TEAD4: variants seen among roughly 807,000 people sequenced by gnomAD.
The protein encoded by TEAD4 is TEA domain transcription factor 4, also known as transcriptional enhancer factor TEF-3.
TEAD4 carries 36 observed loss-of-function variants against 52.4 expected under a neutral mutation model. The ratio of observed to expected loss-of-function variants is 0.69; its 90% CI spans 0.53 to 0.91. The LOEUF (loss-of-function observed/expected upper bound fraction) is 0.91. TEAD4 is among the 40% of genes least tolerant of loss of function. TEAD4 has a pLI of 0.00. For missense variants in TEAD4, 508 were observed against 583.9 expected, an observed-to-expected ratio of 0.87 and a Z score of 1.34; for synonymous variants, 220 against 231.0, an observed-to-expected ratio of 0.95 and a Z score of 0.43.
At chr12:3,024,568 GATT>G (rs2098270860) in intron 10 of TEAD4, among the ~76,000 whole-genome samples, 1 of 152,090 alleles carries the variant, frequency 6.6e-6, no homozygotes, top group South Asian at 2.1e-4. Flanking sequence ...GAAGTAGGAG[GATT>G]GCTTGAGCCT....
intron 2 of TEAD4, chr12:2,960,368 T>A: frequency 1.5e-5 from 15 of 985,630 alleles, no homozygotes; most frequent in Non-Finnish European, 1.8e-5. Flanking sequence ...GCGGACTGCC[T>A]GTTTTAAGTG....
chr12:3,034,177 C>T (rs11835471), intron 10 of TEAD4, among the ~76,000 whole-genome samples: 24,768 of 151,564 alleles, frequency 0.16, 3,627 homozygotes, highest in African/African-American at 0.36. Context: ...CTGGGCTGGA[C>T]AAATGGGCAC....
chr12:2,989,431 A>G (rs987352635), intron 2 of TEAD4, among the ~76,000 whole-genome samples: 3 of 151,974 alleles, frequency 2.0e-5, no homozygotes, highest in African/African-American at 4.8e-5. Flanking sequence ...GAAGTTTGCT[A>G]TCAGTTTGTT....
intron 2 of TEAD4, among the ~76,000 whole-genome samples, chr12:2,971,110 G>C (rs965886927): frequency 6.6e-6 from 1 of 152,214 alleles, no homozygotes; most frequent in Non-Finnish European, 1.5e-5. Context: ...CGGGAGTATG[G>C]AACGGAAGCC....
At chr12:3,005,785 C>G (rs1479884670) in intron 3 of TEAD4, among the ~76,000 whole-genome samples, 1 of 152,136 alleles carries the variant, frequency 6.6e-6, no homozygotes, top group Non-Finnish European at 1.5e-5. Context: ...AGGCGTGAGC[C>G]ACCGCACCCA....
chr12:2,994,651 G>A lies in TEAD4; in HGVS notation c.-29-87G>A. ...CTTTGCTTCCTGAGCAACTGATTCG[G>A]GCTCTGGCACTCCCCGGAGTGCCTT... On this transcript the variant is annotated intron_variant, in intron 2 of 12. Transcript: ENST00000359864. The surrounding 1 kb of genome is among the most constrained non-coding windows in gnomAD (Gnocchi z 4.7). The A allele has an allele frequency of 6.9e-7, 1 of 1,444,264 alleles. No homozygotes were observed. Among genetic ancestry groups the A allele is most frequent in the East Asian group, 2.5e-5 (1 of 40,484 alleles). 89.5% of individuals were successfully genotyped at this position (1,444,264 alleles called of 1,614,324 possible).
chr12:2,978,469 G>A (rs1418473636), intron 2 of TEAD4, among the ~76,000 whole-genome samples: 1 of 151,684 alleles, frequency 6.6e-6, no homozygotes, highest in African/African-American at 2.4e-5. Flanking sequence ...CTGGAGTGCA[G>A]TGGTGCGATC....
chr12:3,007,896 A>T (rs187044967), intron 3 of TEAD4, among the ~76,000 whole-genome samples: 1 of 152,344 alleles, frequency 6.6e-6, no homozygotes, highest in East Asian at 1.9e-4. Flanking sequence ...GGTTATTTGC[A>T]TGTATTTAAC....
chr12:3,021,806 C>G (rs372305947), intron 9 of TEAD4, 38 bp from the exon 10 acceptor site: 13 of 1,602,260 alleles, frequency 8.1e-6, no homozygotes, highest in Non-Finnish European at 1.1e-5. Flanking sequence ...GACCGTCTGG[C>G]CTGTGCTCCG....
intron 11 of TEAD4, 98 bp from the exon 12 acceptor site, chr12:3,040,009 G>A: frequency 2.6e-6 from 4 of 1,517,406 alleles, no homozygotes; most frequent in Non-Finnish European, 2.7e-6. Flanking sequence ...TTTCTTAAGG[G>A]CCCCCAGGCT....
chr12:2,986,272 G>C (rs981179067), intron 2 of TEAD4, among the ~76,000 whole-genome samples: 6 of 152,012 alleles, frequency 3.9e-5, no homozygotes, highest in African/African-American at 1.2e-4. Context: ...TTTCTGGAAT[G>C]CCTCCCGAAG....
At chr12:2,961,155 TGTGTAAATA>T (rs375995950) in intron 2 of TEAD4, among the ~76,000 whole-genome samples, 46 of 152,136 alleles carry the variant, frequency 3.0e-4, no homozygotes, top group African/African-American at 1.1e-3. Context: ...TCTGGAGACT[TGTGTAAATA>T]GTGCTTTTAA....
intron 2 of TEAD4, among the ~76,000 whole-genome samples, chr12:2,971,350 CAG>C (rs1436222609): frequency 1.3e-5 from 2 of 151,996 alleles, no homozygotes; most frequent in African/African-American, 2.4e-5. Context: ...GGAAGAGAAA[CAG>C]AACTATCCTT....
intron 2 of TEAD4, among the ~76,000 whole-genome samples, chr12:2,979,582 A>G (rs2098232550): frequency 6.6e-6 from 1 of 152,214 alleles, no homozygotes; most frequent in African/African-American, 2.4e-5. Flanking sequence ...GACTGTGAAG[A>G]TACTGGGAGT....
At chr12:3,033,345 C>T (rs1019595544) in intron 10 of TEAD4, among the ~76,000 whole-genome samples, 3 of 152,208 alleles carry the variant, frequency 2.0e-5, no homozygotes, top group Non-Finnish European at 2.9e-5. Flanking sequence ...ATCTGCTGAG[C>T]GCCACGGGGC....
At chr12:2,997,751 C>G (rs2098248361) in intron 3 of TEAD4, among the ~76,000 whole-genome samples, 1 of 147,450 alleles carries the variant, frequency 6.8e-6, no homozygotes, top group Non-Finnish European at 1.5e-5. Flanking sequence ...AATCAACAGA[C>G]ATTTGTGGAG....
At position 2,982,794 on chromosome 12, in the gene TEAD4, G is replaced by A. The variant is rs147052518; in HGVS notation, c.-29-11944G>A. 1.6e-3 allele frequency among the ~76,000 whole-genome samples: 244 copies of A among 152,328 alleles called. 1 individual carries two copies. Among genetic ancestry groups the A allele is most frequent in the African/African-American group, 5.3e-3 (220 of 41,566 alleles). ...GGGACAGACCCAATCCTAGGGACAT[G>A]GAGTGCAGGTCCTCAGAAAACCCCA... On this transcript the variant is annotated intron_variant, in intron 2 of 12. Coordinates refer to ENST00000359864, the MANE Select transcript of TEAD4 (RefSeq NM_003213.4).
intron 3 of TEAD4, among the ~76,000 whole-genome samples, chr12:2,998,232 T>G (rs2098248850): frequency 6.6e-6 from 1 of 152,218 alleles, no homozygotes; most frequent in South Asian, 2.1e-4. Context: ...TCTGTTTATC[T>G]GTTCATCTGC....
intron 3 of TEAD4, among the ~76,000 whole-genome samples, chr12:3,006,479 AGGTTG>A (rs981338782): frequency 6.6e-6 from 1 of 152,160 alleles, no homozygotes; most frequent in African/African-American, 2.4e-5. Context: ...AGATCACCTG[AGGTTG>A]GGAGTTCGAG....
Sources: allele counts gnomAD v4.1 joint callset (sites outside exome capture counted in the v4.1 genomes callset), GRCh38; gene constraint gnomAD v4.1.1; non-coding constraint Gnocchi (gnomAD v3.1); transcripts MANE v1.5; gene names NCBI Gene and HGNC (gene_info 2026-07-23, HGNC 2026-07-21).